The following FKBP15 variants were observed in gnomAD, a reference collection of about 807,000 sequenced individuals.
The protein encoded by FKBP15 is FKBP prolyl isomerase family member 15, also known as FK506-binding protein 15.
Under a neutral mutation model 158.1 loss-of-function variants are expected in FKBP15, and 106 were observed. That is an observed-to-expected ratio of 0.67 (90% CI 0.57 to 0.79). FKBP15 has a LOEUF of 0.79. FKBP15 is among the 30% of genes least tolerant of loss of function. The pLI is 0.00. For missense variants in FKBP15, 1,287 were observed against 1,479.1 expected, an observed-to-expected ratio of 0.87 and a Z score of 2.13; for synonymous variants, 547 against 548.6, an observed-to-expected ratio of 1.00 and a Z score of 0.04.
intron 1 of FKBP15, among the ~76,000 whole-genome samples, chr9:113,218,377 TTA>T (rs10539484): frequency 0.17 from 17,007 of 99,954 alleles, 1,034 homozygotes; most frequent in Non-Finnish European, 0.22. Context: ...GTAAATACAA[TTA>T]TATATATATA....
chr9:113,169,024 A>ACCGCAGGGCCCGCCACACTC, intron 26 of FKBP15, among the ~76,000 whole-genome samples, 200 bp downstream of exon 26: 1 of 151,210 alleles, frequency 6.6e-6, no homozygotes. Context: ...CCGCCACACT[A>ACCGCAGGGCCCGCCACACTC]CCACAGGGCC....
In FKBP15 at chr9:113,198,802, G is replaced by C. The variant is rs1158953798; in HGVS notation, c.717+53C>G. The C allele has an allele frequency of 2.5e-6, 3 of 1,207,610 alleles. No homozygotes were observed. Among genetic ancestry groups the C allele is most frequent in the Non-Finnish European group, 3.5e-6 (3 of 852,446 alleles). 74.8% of individuals were successfully genotyped at this position (1,207,610 alleles called of 1,614,324 possible). On this transcript the variant is annotated intron_variant, in intron 8 of 27. Coordinates refer to ENST00000238256, the MANE Select transcript of FKBP15 (RefSeq NM_015258.2). The surrounding 1 kb of genome is among the most constrained non-coding windows in gnomAD (Gnocchi z 5.2). ...AGGAATTCCACAAAATTTAATCTAA[G>C]TTAAACCCACTGCAACTGATAAAAC...
intron 25 of FKBP15, among the ~76,000 whole-genome samples, 159 bp from the exon 26 acceptor site, chr9:113,170,101 C>G (rs1830178607): frequency 6.6e-6 from 1 of 152,088 alleles, no homozygotes; most frequent in African/African-American, 2.4e-5. Flanking sequence ...ATCCTAATTA[C>G]TGAGGAACAG....
In FKBP15 at chr9:113,207,234, T is replaced by C. The variant is rs777529522; in HGVS notation, c.232A>G (p.Thr78Ala). The C allele has an allele frequency of 1.9e-6, 3 of 1,613,198 alleles. No homozygotes were observed. The highest frequency in any genetic ancestry group is 1.7e-5 in the Admixed American group (1 of 59,964). The change falls in exon 3 of 28, where the codon ACA (threonine) becomes GCA (alanine). Residue 78 changes from threonine (T) to alanine (A), a missense_variant. Coordinates refer to ENST00000238256, the MANE Select transcript of FKBP15 (RefSeq NM_015258.2). ...TACTATCGATATGCATGGACTGCTG[T>C]TGCGACCAGTATTGTGGGAGTGCTC... ...TMSTPTILVATAVHAYRYTNG... is the reference protein window; with the variant it reads ...TMSTPTILVAAAVHAYRYTNG...
chr9:113,210,061 G>A (rs1225687260), intron 2 of FKBP15, among the ~76,000 whole-genome samples: 1 of 152,218 alleles, frequency 6.6e-6, no homozygotes, highest in Non-Finnish European at 1.5e-5. Flanking sequence ...ACTGGACAGT[G>A]CCTACTTAGA....
At position 113,188,427 on chromosome 9, in the gene FKBP15, T is replaced by A; in HGVS notation, c.1238A>T (p.His413Leu). 1 of 1,613,944 alleles carries A rather than the reference T, an allele frequency of 6.2e-7. No homozygotes were observed. The highest frequency in any genetic ancestry group is 1.1e-5 in the South Asian group (1 of 91,090). ...VVTPSVQPSL[H>L]PAHPALPQMT... ...CTGTGGTAACGCTGGATGGGCCGGA[T>A]GAAGAGAGGGCTGGACGGACGGAGT... The change falls in exon 13 of 28, where the codon CAT becomes CTT. Residue 413 changes from histidine (H) to leucine (L), a missense_variant. Coordinates refer to ENST00000238256, the MANE Select transcript of FKBP15 (RefSeq NM_015258.2).
chr9:113,218,833 T>C (rs6477997), intron 1 of FKBP15, among the ~76,000 whole-genome samples: 50,999 of 151,992 alleles, frequency 0.34, 8,715 homozygotes, highest in African/African-American at 0.39. Context: ...TTTCCTATCT[T>C]TTACAGAACT....
At chr9:113,196,183 G>A (rs1009002531) in intron 9 of FKBP15, among the ~76,000 whole-genome samples, 8 of 152,042 alleles carry the variant, frequency 5.3e-5, no homozygotes, top group African/African-American at 1.7e-4. Flanking sequence ...GGACATTTAG[G>A]TTGTTGCCAG....
At chr9:113,188,562 C>A (rs1402167694) in intron 12 of FKBP15, 71 bp from the exon 13 acceptor site, 20 of 1,234,426 alleles carry the variant, frequency 1.6e-5, no homozygotes, top group Non-Finnish European at 2.3e-5. Flanking sequence ...TGACTGTCTG[C>A]CCTAAACCTG....
At chr9:113,188,579 A>G (rs1276718284) in intron 12 of FKBP15, 88 bp from the exon 13 acceptor site, 2 of 1,044,220 alleles carry the variant, frequency 1.9e-6, no homozygotes, top group Non-Finnish European at 2.9e-6. Flanking sequence ...CCTGCTTCCA[A>G]CACAGGATTT....
At chr9:113,170,813 C>T (rs989676210) in intron 24 of FKBP15, among the ~76,000 whole-genome samples, 184 bp from the exon 25 acceptor site, 3 of 152,176 alleles carry the variant, frequency 2.0e-5, no homozygotes, top group African/African-American at 7.2e-5. Flanking sequence ...TAATGAGCAG[C>T]ACTTTGACAG....
At chr9:113,206,457 T>C (rs900065376) in intron 4 of FKBP15, 52 bp downstream of exon 4, 17 of 1,421,290 alleles carry the variant, frequency 1.2e-5, no homozygotes, top group South Asian at 5.8e-5. Flanking sequence ...AGCCAGCTCA[T>C]TGGTATTATT....
chr9:113,166,436 T>G (rs1020132216), intron 27 of FKBP15, among the ~76,000 whole-genome samples: 13 of 152,228 alleles, frequency 8.5e-5, no homozygotes, highest in African/African-American at 3.1e-4. Flanking sequence ...TGACAGATTT[T>G]CCTCTCATGC....
chr9:113,162,866 G>C lies in FKBP15; in HGVS notation c.*3212C>G. ...CCTGGATTTTCCTTGGTGTGGTCTTGGGCTCTGCTGTGGGCTACTACCTAG... is the reference window on the plus strand; with the variant it reads ...CCTGGATTTTCCTTGGTGTGGTCTTCGGCTCTGCTGTGGGCTACTACCTAG... On this transcript the variant is annotated 3_prime_UTR_variant, in exon 28 of 28. Transcript: ENST00000238256. 1 of 1,613,276 alleles carries C rather than the reference G, an allele frequency of 6.2e-7. No homozygotes were observed. The highest frequency in any genetic ancestry group is 8.5e-7 in the Non-Finnish European group (1 of 1,179,776).
At chr9:113,199,322 T>A (rs905798740) in intron 7 of FKBP15, among the ~76,000 whole-genome samples, 3 of 152,188 alleles carry the variant, frequency 2.0e-5, no homozygotes, top group Admixed American at 2.0e-4. Context: ...GTCAAATTAG[T>A]ATATAATTGG....
rs546918933 is a variant in FKBP15 at position 113,188,546 on chromosome 9, T to C, written c.1174-55A>G. 8.4e-4 allele frequency: 1,169 copies of C among 1,388,858 alleles called. 7 individuals are homozygous for C. Among genetic ancestry groups the C allele is most frequent in the Non-Finnish European group, 1.3e-4 (132 of 982,274 alleles). 86.0% of individuals were successfully genotyped at this position (1,388,858 alleles called of 1,614,324 possible). A position where few individuals can be genotyped will look rare whatever the true frequency, so the allele number is the denominator to read the frequency against. ...CTGTACGGGGTCCCTCATTGAAGAC[T>C]GAGGCTGACTGTCTGCCCTAAACCT... On this transcript the variant is annotated intron_variant, in intron 12 of 27. Transcript: ENST00000238256.
chr9:113,221,122 G>C, intron 1 of FKBP15, 69 bp downstream of exon 1: 2 of 1,489,992 alleles, frequency 1.3e-6, no homozygotes, highest in South Asian at 1.3e-5. Context: ...AGAAGAGATC[G>C]ACCCCCCTCC....
At chr9:113,172,610 C>G (rs1043221823) in intron 23 of FKBP15, among the ~76,000 whole-genome samples, 1 of 152,144 alleles carries the variant, frequency 6.6e-6, no homozygotes, top group Non-Finnish European at 1.5e-5. Flanking sequence ...CCTCATCATT[C>G]GACTTCAACG....
intron 2 of FKBP15, among the ~76,000 whole-genome samples, chr9:113,210,122 T>G (rs1306788897): frequency 6.6e-6 from 1 of 152,150 alleles, no homozygotes; most frequent in African/African-American, 2.4e-5. Context: ...GCAGAAGGCC[T>G]TGCTTTCGAA....
Sources: gnomAD v4.1 joint callset for allele counts (sites outside exome capture counted in the v4.1 genomes callset) on GRCh38, gnomAD v4.1.1 for gene constraint, Gnocchi (gnomAD v3.1) non-coding constraint, MANE v1.5 for transcripts, NCBI Gene and HGNC (gene_info 2026-07-23, HGNC 2026-07-21) for gene names.